The following XXYLT1 variants were observed in gnomAD, a reference collection of about 807,000 sequenced individuals.
The protein encoded by XXYLT1 is UDP-xylose:alpha-xyloside alpha-1,3-xylosyltransferase.
A neutral mutation model predicts 28.9 loss-of-function variants in XXYLT1; 20 were observed. The observed-to-expected ratio is 0.69, with a 90% confidence interval of 0.49 to 1.00. The LOEUF is 1.00. XXYLT1 is among the 50% of genes least tolerant of loss of function. XXYLT1 has a pLI of 0.00. For synonymous variants in XXYLT1, 257 were observed against 253.8 expected (o/e 1.01, Z -0.12); for missense variants, 542 against 560.1 (o/e 0.97, Z 0.33).
chr3:195,103,916 C>G (rs534001772), intron 3 of XXYLT1, among the ~76,000 whole-genome samples: 2 of 152,228 alleles, frequency 1.3e-5, no homozygotes, highest in African/African-American at 4.8e-5. Flanking sequence ...ATGCTCCTGC[C>G]TAACCCTGTG....
chr3:195,132,270 C>T (rs1329137833), intron 3 of XXYLT1, among the ~76,000 whole-genome samples: 1 of 152,176 alleles, frequency 6.6e-6, no homozygotes, highest in Admixed American at 6.5e-5. Context: ...CATTCCAATG[C>T]TCCAGCCTGG....
At chr3:195,153,618 G>A (rs1420421639) in intron 3 of XXYLT1, among the ~76,000 whole-genome samples, 1 of 152,126 alleles carries the variant, frequency 6.6e-6, no homozygotes, top group Non-Finnish European at 1.5e-5. Context: ...GTTTCATTTC[G>A]AATCTAAAAT....
intron 2 of XXYLT1, among the ~76,000 whole-genome samples, chr3:195,215,250 G>A (rs1723519568): frequency 6.7e-6 from 1 of 148,438 alleles, no homozygotes. Flanking sequence ...AGACTAGGAA[G>A]AAACTCCATC....
intron 3 of XXYLT1, among the ~76,000 whole-genome samples, chr3:195,118,759 G>T (rs1718179909): frequency 6.6e-6 from 1 of 152,216 alleles, no homozygotes; most frequent in Non-Finnish European, 1.5e-5. Flanking sequence ...GCCTGGAGTT[G>T]ACAGCGCCAA....
chr3:195,230,257 T>G (rs547344120), intron 1 of XXYLT1, among the ~76,000 whole-genome samples: 2 of 152,356 alleles, frequency 1.3e-5, no homozygotes, highest in South Asian at 4.1e-4. Context: ...CAGGGTTGTT[T>G]GAGCCCCTTA....
intron 2 of XXYLT1, among the ~76,000 whole-genome samples, chr3:195,206,021 A>ATTT (rs777561871): frequency 1.6e-4 from 20 of 125,408 alleles, no homozygotes; most frequent in African/African-American, 3.2e-4. Context: ...TTAAAGTTTA[A>ATTT]TTTTTTTTTT....
intron 2 of XXYLT1, among the ~76,000 whole-genome samples, chr3:195,171,831 A>T (rs1318939407): frequency 6.6e-6 from 1 of 152,252 alleles, no homozygotes; most frequent in Non-Finnish European, 1.5e-5. Flanking sequence ...CAATTCATAC[A>T]ACAGTTATTT....
chr3:195,242,771 A>G (rs1258649786), intron 1 of XXYLT1, among the ~76,000 whole-genome samples: 2 of 152,164 alleles, frequency 1.3e-5, no homozygotes, highest in Non-Finnish European at 2.9e-5. Flanking sequence ...GTAGGGTGCC[A>G]TGATGTTCTG....
chr3:195,078,539 C>A lies in XXYLT1; in HGVS notation c.786-8428G>T, dbSNP rs1251207042. ...AGTTCCCTCCAGCCTACCTCCCCCTCTTCCTCATCCCCATCCAAGCTGGGC... is the reference window on the plus strand; with the variant it reads ...AGTTCCCTCCAGCCTACCTCCCCCTATTCCTCATCCCCATCCAAGCTGGGC... On this transcript the variant is annotated intron_variant, in intron 3 of 3. Coordinates refer to ENST00000310380, the MANE Select transcript of XXYLT1 (RefSeq NM_152531.5). This position sits in a 1 kb window ranked among gnomAD's most constrained non-coding sequence, Gnocchi z 5.0. Among the ~76,000 whole-genome samples the A allele has an allele frequency of 1.3e-5, 2 of 152,136 alleles. No individual in the cohort carries two copies. The highest frequency in any genetic ancestry group is 2.1e-4 in the South Asian group (1 of 4,828).
Position 195,149,604 on chromosome 3 carries a change from T to G in XXYLT1, c.785+6845A>C, listed in dbSNP as rs562032342. Among the ~76,000 whole-genome samples, 6 of 152,370 alleles carry G rather than the reference T, an allele frequency of 3.9e-5. No individual in the cohort carries two copies. In the South Asian group the frequency reaches 8.3e-4, roughly 21 times the overall value. The stretch of plus-strand genomic sequence containing the variant: ...CAGTCCTCGGTCTCTCCCCCTGTCC[T>G]CGTCCCTTCCTCCTCTGCTGCAACT... On this transcript the variant is annotated intron_variant, in intron 3 of 3. Coordinates refer to ENST00000310380, the MANE Select transcript of XXYLT1 (RefSeq NM_152531.5).
chr3:195,099,669 A>T (rs1415550355), intron 3 of XXYLT1, among the ~76,000 whole-genome samples: 1 of 152,066 alleles, frequency 6.6e-6, no homozygotes, highest in Non-Finnish European at 1.5e-5. Context: ...TCTCTACTAA[A>T]AATACAAAAA....
chr3:195,234,339 A>T, intron 1 of XXYLT1, among the ~76,000 whole-genome samples: 1 of 105,740 alleles, frequency 9.5e-6, no homozygotes. Context: ...TTTTTTTGAG[A>T]CAGAGTCTCA....
At chr3:195,097,389 T>G (rs1250896432) in intron 3 of XXYLT1, among the ~76,000 whole-genome samples, 1 of 152,256 alleles carries the variant, frequency 6.6e-6, no homozygotes, top group Non-Finnish European at 1.5e-5. Flanking sequence ...TCAACACGTA[T>G]CTAGCACCAC....
intron 2 of XXYLT1, among the ~76,000 whole-genome samples, chr3:195,204,083 G>A (rs564508171): frequency 2.0e-5 from 3 of 152,258 alleles, no homozygotes; most frequent in South Asian, 4.1e-4. Context: ...AGTGGCTCAC[G>A]CCTGGAATCC....
intron 2 of XXYLT1, among the ~76,000 whole-genome samples, chr3:195,179,344 A>T (rs1721831731): frequency 6.6e-6 from 1 of 151,852 alleles, no homozygotes; most frequent in African/African-American, 2.4e-5. Flanking sequence ...CCGTCTCAAA[A>T]AAAAAAAGAA....
At chr3:195,155,976 C>T (rs1168482710) in intron 3 of XXYLT1, among the ~76,000 whole-genome samples, 2 of 152,180 alleles carry the variant, frequency 1.3e-5, no homozygotes, top group African/African-American at 4.8e-5. Context: ...CAGCATCATG[C>T]GGAATGCGCT....
At chr3:195,090,177 C>T (rs1160291177) in intron 3 of XXYLT1, among the ~76,000 whole-genome samples, 1 of 151,582 alleles carries the variant, frequency 6.6e-6, no homozygotes, top group Non-Finnish European at 1.5e-5. Flanking sequence ...CCAAGCGGAC[C>T]TAATAGACAT....
intron 2 of XXYLT1, among the ~76,000 whole-genome samples, chr3:195,198,345 C>T (rs886461929): frequency 6.6e-6 from 1 of 152,088 alleles, no homozygotes; most frequent in African/African-American, 2.4e-5. Context: ...TCCCACTCCC[C>T]CTGAGTTTCA....
At chr3:195,088,595 T>G (rs1470134960) in intron 3 of XXYLT1, among the ~76,000 whole-genome samples, 6 of 116,146 alleles carry the variant, frequency 5.2e-5, no homozygotes, top group African/African-American at 1.9e-4. Flanking sequence ...ACAGAAAAAC[T>G]GGAAACTCTA....
Sources: allele counts gnomAD v4.1 joint callset (sites outside exome capture counted in the v4.1 genomes callset), GRCh38; gene constraint gnomAD v4.1.1; non-coding constraint Gnocchi (gnomAD v3.1); transcripts MANE v1.5; gene names NCBI Gene and HGNC (gene_info 2026-07-23, HGNC 2026-07-21).